PTPN14: variants seen among roughly 807,000 people sequenced by gnomAD.
The protein encoded by PTPN14 is tyrosine-protein phosphatase non-receptor type 14.
A neutral mutation model predicts 126.8 loss-of-function variants in PTPN14; 53 were observed. The observed-to-expected ratio is 0.42, with a 90% CI of 0.34 to 0.53. The LOEUF is 0.53. PTPN14 is among the 20% of genes least tolerant of loss of function. The pLI, the probability that PTPN14 is intolerant of heterozygous loss-of-function variation, is 0.08. For missense variants in PTPN14, 1,257 were observed against 1,552.9 expected, an observed-to-expected ratio of 0.81 and a Z score of 3.20; for synonymous variants, 630 against 599.3, an observed-to-expected ratio of 1.05 and a Z score of -0.75.
chr1:214,479,307 G>A (rs35200189), intron 1 of PTPN14, among the ~76,000 whole-genome samples: 38,891 of 151,544 alleles, frequency 0.26, 5,080 homozygotes, highest in Middle Eastern at 0.37. Context: ...TTGCATCACT[G>A]CCCTCCAACT....
At chr1:214,431,542 C>T (rs1368633240) in intron 3 of PTPN14, among the ~76,000 whole-genome samples, 1 of 152,188 alleles carries the variant, frequency 6.6e-6, no homozygotes, top group Non-Finnish European at 1.5e-5. Context: ...AAAGCCTGTG[C>T]TCTTTACCAT....
chr1:214,496,237 G>A (rs1654505960), intron 1 of PTPN14, among the ~76,000 whole-genome samples: 1 of 152,150 alleles, frequency 6.6e-6, no homozygotes, highest in Admixed American at 6.6e-5. Flanking sequence ...GGTGAGAGAG[G>A]TACCCAAGAG....
chr1:214,372,885 A>G, intron 15 of PTPN14, 46 bp from the exon 16 acceptor site: 1 of 1,607,766 alleles, frequency 6.2e-7, no homozygotes, highest in Non-Finnish European at 8.5e-7. Flanking sequence ...AAGTCCGGAC[A>G]ACATTACCTG....
At chr1:214,510,134 A>G (rs1423842248) in intron 1 of PTPN14, among the ~76,000 whole-genome samples, 1 of 152,066 alleles carries the variant, frequency 6.6e-6, no homozygotes, top group Non-Finnish European at 1.5e-5. Context: ...GAGGAGAGGG[A>G]GAGATAAGGG....
intron 18 of PTPN14, among the ~76,000 whole-genome samples, chr1:214,358,986 C>T (rs1237907644): frequency 2.6e-5 from 4 of 151,970 alleles, no homozygotes; most frequent in African/African-American, 4.8e-5. Flanking sequence ...TCTGGTGATC[C>T]GCCCACTTAG....
intron 1 of PTPN14, among the ~76,000 whole-genome samples, chr1:214,494,345 A>G (rs1661314593): frequency 6.6e-6 from 1 of 152,136 alleles, no homozygotes; most frequent in African/African-American, 2.4e-5. Flanking sequence ...TACAGGTGTG[A>G]GCCACAGCAC....
intron 15 of PTPN14, among the ~76,000 whole-genome samples, chr1:214,374,810 T>C (rs1658302755): frequency 6.6e-6 from 1 of 152,146 alleles, no homozygotes; most frequent in South Asian, 2.1e-4. Flanking sequence ...TTATACAAAG[T>C]GACAGCTTTT....
chr1:214,369,756 A>G (rs1658170333), intron 16 of PTPN14, 65 bp from the exon 17 acceptor site: 1 of 1,405,124 alleles, frequency 7.1e-7, no homozygotes. Flanking sequence ...TTTAATCCTA[A>G]GATATGAAGA....
At chr1:214,433,937 CACACACACACACACAAAAA>C (rs1357988210) in intron 3 of PTPN14, among the ~76,000 whole-genome samples, 8 of 17,370 alleles carry the variant, frequency 4.6e-4, no homozygotes, top group South Asian at 4.3e-3. Flanking sequence ...CACACACACA[CACACACACACACACAAAAA>C]AAAAAAAAAA....
rs1382401136 is a variant in PTPN14 at position 214,352,628 on chromosome 1, G to A, written c.*5294C>T. 1.3e-5 allele frequency: 2 copies of A among 152,216 alleles called. No homozygotes were observed. The highest frequency in any genetic ancestry group is 1.5e-5 in the Non-Finnish European group (1 of 68,042). The allele number at this position is 152,216 out of a possible 1,614,324, so 9.4% of individuals were successfully genotyped here. On this transcript the variant is annotated 3_prime_UTR_variant, in exon 19 of 19. Coordinates refer to ENST00000366956, the MANE Select transcript of PTPN14 (RefSeq NM_005401.5). ...GAACTATTTTGCTTCCTTGCTCAGC[G>A]TTCAAGAGAAGTATCAAATGCAGTT...
intron 2 of PTPN14, among the ~76,000 whole-genome samples, chr1:214,455,232 C>A (rs184572929): frequency 6.6e-6 from 1 of 152,204 alleles, no homozygotes; most frequent in Non-Finnish European, 1.5e-5. Context: ...AGCTGAGACC[C>A]CACCAGGCTG....
At chr1:214,422,562 G>A (rs555455991) in intron 3 of PTPN14, among the ~76,000 whole-genome samples, 4 of 152,300 alleles carry the variant, frequency 2.6e-5, no homozygotes, top group African/African-American at 9.6e-5. Flanking sequence ...TGTGGGAAAA[G>A]GGAACTCAAA....
At position 214,348,726 on chromosome 1, in the gene PTPN14, A is replaced by G. The variant is rs1043689433; in HGVS notation, c.*9196T>C. 1 of 152,230 alleles carries G rather than the reference A, an allele frequency of 6.6e-6. No homozygotes were observed. The highest frequency in any genetic ancestry group is 1.5e-5 in the Non-Finnish European group (1 of 68,038). 9.4% of individuals were successfully genotyped at this position (152,230 alleles called of 1,614,324 possible). A position where few individuals can be genotyped will look rare whatever the true frequency, so the allele number is the denominator to read the frequency against. Reference sequence around the variant, plus strand: ...TTTCTCTGAAAAAAAGGTTTATTGCATATGGAAATCAATAGATATCTTTTA... The same window carrying G: ...TTTCTCTGAAAAAAAGGTTTATTGCGTATGGAAATCAATAGATATCTTTTA... On this transcript the variant is annotated 3_prime_UTR_variant, in exon 19 of 19. Coordinates refer to ENST00000366956, the MANE Select transcript of PTPN14 (RefSeq NM_005401.5).
In PTPN14 at chr1:214,522,666, A is replaced by T. The variant is rs140696994; in HGVS notation, c.-155+28517T>A. ...TGGTGGTAAGTGGAGGAGGTTGCTG[A>T]GAAGTGCAGTTAACCAATTCAAGGC... On this transcript the variant is annotated intron_variant, in intron 1 of 18. Transcript: ENST00000366956. Among the ~76,000 whole-genome samples the T allele has an allele frequency of 2.0e-5, 3 of 152,370 alleles. No individual in the cohort carries two copies. In the East Asian group the frequency reaches 5.8e-4, roughly 29 times the overall value.
intron 1 of PTPN14, among the ~76,000 whole-genome samples, chr1:214,537,301 T>C (rs1363242864): frequency 6.6e-6 from 1 of 152,134 alleles, no homozygotes; most frequent in Admixed American, 6.6e-5. Flanking sequence ...GCAGATCAGG[T>C]CTAGGTAACG....
intron 3 of PTPN14, among the ~76,000 whole-genome samples, chr1:214,419,201 T>C (rs575633883): frequency 6.6e-6 from 1 of 152,194 alleles, no homozygotes; most frequent in Admixed American, 6.5e-5. Flanking sequence ...GAAAGAAAAC[T>C]TTCTTTCCTA....
At chr1:214,408,979 C>T (rs1296654386) in intron 5 of PTPN14, among the ~76,000 whole-genome samples, 2 of 152,118 alleles carry the variant, frequency 1.3e-5, no homozygotes, top group Non-Finnish European at 2.9e-5. Flanking sequence ...ATTCTATTGA[C>T]AAATAATAAT....
At chr1:214,523,850 CTTTTT>C (rs1286518641) in intron 1 of PTPN14, among the ~76,000 whole-genome samples, 2 of 134,496 alleles carry the variant, frequency 1.5e-5, no homozygotes. Context: ...TAATCAGATT[CTTTTT>C]TTTTTTTTTT....
intron 1 of PTPN14, among the ~76,000 whole-genome samples, chr1:214,468,038 A>G (rs6687240): frequency 0.84 from 127,451 of 151,460 alleles, 53,917 homozygotes; most frequent in African/African-American, 0.94. Context: ...ACTAAATCCA[A>G]GTGTGAAAAA....
Sources: gnomAD v4.1 joint callset for allele counts (sites outside exome capture counted in the v4.1 genomes callset) on GRCh38, gnomAD v4.1.1 for gene constraint, MANE v1.5 for transcripts, NCBI Gene and HGNC (gene_info 2026-07-23, HGNC 2026-07-21) for gene names.